The following GIMAP2 variants were observed in gnomAD, a reference collection of about 807,000 sequenced individuals.
The protein encoded by GIMAP2 is GTPase IMAP family member 2.
In GIMAP2, 22 loss-of-function variants were observed where a neutral mutation model predicts 25.5. The ratio of observed to expected loss-of-function variants is 0.86; its 90% confidence interval spans 0.62 to 1.23. GIMAP2 has a LOEUF of 1.23. Among genes scored for constraint, GIMAP2 ranks in the 50% most tolerant of loss-of-function variants. GIMAP2 has a pLI of 0.00. For missense variants in GIMAP2, 422 were observed against 395.7 expected (o/e 1.07, Z -0.56); for synonymous variants, 167 against 143.0 (o/e 1.17, Z -1.20).
At position 150,687,105 on chromosome 7, in the gene GIMAP2, CGTGTGTGTGT is replaced by C. The variant is rs35656746; in HGVS notation, c.28+59_28+68del. On this transcript the variant is annotated intron_variant, in intron 2 of 2. Coordinates refer to ENST00000223293, the MANE Select transcript of GIMAP2 (RefSeq NM_015660.3). ...TCACTGGGGTAAGAAGGTGACTTCA[CGTGTGTGTGT>C]GTGTGTGTGTGTGTGTGTGTGTGTG... is the stretch of plus-strand genomic sequence containing the variant. The C allele has an allele frequency of 0.084, 106,509 of 1,265,298 alleles. 3,613 individuals are homozygous for C. Among genetic ancestry groups the C allele is most frequent in the East Asian group, 0.22 (8,844 of 40,220 alleles). 78.4% of individuals were successfully genotyped at this position (1,265,298 alleles called of 1,614,324 possible).
At chr7:150,689,582 G>A (rs1202688431) in intron 2 of GIMAP2, 4 of 702,030 alleles carry the variant, frequency 5.7e-6, no homozygotes, top group Non-Finnish European at 1.0e-5. Flanking sequence ...TCAGAATATA[G>A]AAATGTGTAA....
rs760583263 is a variant in GIMAP2 at position 150,693,293 on chromosome 7, G to T, written c.1007G>T (p.Arg336Met). ...TVIRLERKTP[R>M]L ...ATTAGACTAGAACGCAAGACTCCTA[G>T]GTTATAGTTACAGATCCCAGTTATT... The change falls in exon 3 of 3, where the codon AGG (arginine) becomes ATG (methionine). Residue 336 changes from arginine (R) to methionine (M), a missense_variant. Physicochemically the swap from Arg to Met is moderately conservative, Grantham distance 91 (BLOSUM62 -1). Coordinates refer to ENST00000223293, the MANE Select transcript of GIMAP2 (RefSeq NM_015660.3). The T allele has an allele frequency of 1.3e-6, 2 of 1,547,740 alleles. No homozygotes were observed. Among genetic ancestry groups the T allele is most frequent in the Non-Finnish European group, 1.7e-6 (2 of 1,152,550 alleles).
Position 150,692,361 on chromosome 7 carries a change from C to T in GIMAP2, c.75C>T (p.Ile25=), listed in dbSNP as rs267601408. The T allele has an allele frequency of 1.2e-6, 2 of 1,614,178 alleles. No individual in the cohort carries two copies. The highest frequency in any genetic ancestry group is 1.7e-6 in the Non-Finnish European group (2 of 1,180,002). ...GQCASRSELR[I]ILVGKTGTGK... ...GTGCCAGCAGATCTGAGCTGAGAATCATCCTGGTGGGCAAAACAGGAACTG... is the reference window on the plus strand; with the variant it reads ...GTGCCAGCAGATCTGAGCTGAGAATTATCCTGGTGGGCAAAACAGGAACTG... The change falls in exon 3 of 3, where the codon ATC becomes ATT. Residue 25 remains isoleucine (I), a synonymous_variant. Transcript: ENST00000223293.
rs1156473684 is a variant in GIMAP2 at position 150,692,991 on chromosome 7, A to G, written c.705A>G (p.Arg235=). The G allele has an allele frequency of 1.9e-6, 3 of 1,613,992 alleles. No individual in the cohort carries two copies. The highest frequency in any genetic ancestry group is 2.5e-6 in the Non-Finnish European group (3 of 1,179,930). The part of the protein sequence containing the change: ...SKCGPVGSDE[R]VKEFKQSLIK... ...GTGGACCTGTGGGATCAGATGAAAG[A>G]GTAAAGGAATTCAAACAGAGCCTTA... Residue 235 remains arginine, a synonymous_variant, in exon 3 of 3, where the codon AGA becomes AGG. Transcript: ENST00000223293.
rs1488774430 is a variant in GIMAP2, at chr7:150,693,566, TTTC to T, written c.*272_*274del. ...CAGTTTTATGTTCCTAAAATCTCATTTTCTTCTTTCTAGTACTACTATTTCTAC... is the reference window on the plus strand; with the variant it reads ...CAGTTTTATGTTCCTAAAATCTCATTTTCTTTCTAGTACTACTATTTCTAC... On this transcript the variant is annotated 3_prime_UTR_variant, in exon 3 of 3. Coordinates refer to ENST00000223293, the MANE Select transcript of GIMAP2 (RefSeq NM_015660.3). 9 of 331,908 alleles carry T rather than the reference TTTC, an allele frequency of 2.7e-5. No homozygotes were observed. Among genetic ancestry groups the T allele is most frequent in the Non-Finnish European group, 4.4e-5 (8 of 182,262 alleles). The allele number at this position is 331,908 out of a possible 1,614,324, so 20.6% of individuals were successfully genotyped here.
chr7:150,690,479 C>A (rs1796955093), intron 2 of GIMAP2, among the ~76,000 whole-genome samples: 1 of 152,200 alleles, frequency 6.6e-6, no homozygotes, highest in Admixed American at 6.5e-5. Context: ...AACCCTAAAT[C>A]ATATCATTGC....
chr7:150,691,779 T>G (rs996603549), intron 2 of GIMAP2, among the ~76,000 whole-genome samples: 1 of 152,198 alleles, frequency 6.6e-6, no homozygotes, highest in Non-Finnish European at 1.5e-5. Flanking sequence ...TGATGAGAAA[T>G]GTCTCTAAAT....
intron 2 of GIMAP2, among the ~76,000 whole-genome samples, chr7:150,687,679 C>T (rs1796919316): frequency 6.6e-6 from 1 of 151,722 alleles, no homozygotes; most frequent in Non-Finnish European, 1.5e-5. Flanking sequence ...TCCTACCATT[C>T]AGTCTTCTCT....
In GIMAP2 at chr7:150,693,134, T is replaced by A; in HGVS notation, c.848T>A (p.Leu283Ter). 6.2e-7 allele frequency: 1 copy of A among 1,613,772 alleles called. No individual in the cohort carries two copies. The highest frequency in any genetic ancestry group is 8.5e-7 in the Non-Finnish European group (1 of 1,179,674). The change falls in exon 3 of 3, where the codon TTG (leucine) becomes TAG (stop). Residue 283 changes from leucine (L) to a stop codon, truncating the protein, a stop_gained. Coordinates refer to ENST00000223293, the MANE Select transcript of GIMAP2 (RefSeq NM_015660.3). LOFTEE classifies it high-confidence loss of function. Reference protein sequence around the residue: ...VLFCIQLFLRLIILWLCILHS... With the variant: ...VLFCIQLFLR ...TTTTGTATTCAGTTGTTTCTCAGAT[T>A]GATAATTCTGTGGCTTTGCATACTG... is the stretch of plus-strand genomic sequence containing the variant.
At chr7:150,690,102 C>T (rs1008955390) in intron 2 of GIMAP2, among the ~76,000 whole-genome samples, 77 of 152,236 alleles carry the variant, frequency 5.1e-4, no homozygotes, top group African/African-American at 1.8e-3. Flanking sequence ...TGCTAGGAAG[C>T]TATGTTTTGA....
chr7:150,691,346 G>A (rs1290937658), intron 2 of GIMAP2, among the ~76,000 whole-genome samples: 1 of 152,126 alleles, frequency 6.6e-6, no homozygotes, highest in African/African-American at 2.4e-5. Context: ...TTTCCCTAAA[G>A]CCTCAAGCTC....
rs1366131297 is a variant in GIMAP2 at position 150,692,594 on chromosome 7, C to T, written c.308C>T (p.Ala103Val). ...GTGCAGAGGTGCTACTTGCTGTCTG[C>T]ACCAGGACCCCATGTGCTGCTCCTG... is the stretch of plus-strand genomic sequence containing the variant. Reference protein sequence around the residue: ...KEVQRCYLLSAPGPHVLLLVT... With the variant: ...KEVQRCYLLSVPGPHVLLLVT... Residue 103 changes from alanine to valine, a missense_variant, in exon 3 of 3, where the codon GCA becomes GTA. Transcript: ENST00000223293. 1 of 1,614,110 alleles carries T rather than the reference C, an allele frequency of 6.2e-7. No individual in the cohort carries two copies. The highest frequency in any genetic ancestry group is 1.7e-5 in the Admixed American group (1 of 60,028).
chr7:150,685,756 A>G lies in GIMAP2; in HGVS notation c.-38A>G, dbSNP rs1796893656. On this transcript the variant is annotated 5_prime_UTR_variant, in exon 1 of 3. Coordinates refer to ENST00000223293, the MANE Select transcript of GIMAP2 (RefSeq NM_015660.3). The stretch of plus-strand genomic sequence containing the variant: ...TATAAGACAACAGGACTGAACAGGG[A>G]GCCAACTGTTTCTTTGAACAGTAAA... The G allele has an allele frequency of 6.6e-5, 65 of 984,444 alleles. No individual in the cohort carries two copies. Among genetic ancestry groups the G allele is most frequent in the Non-Finnish European group, 7.8e-5 (65 of 829,062 alleles). 61.0% of individuals were successfully genotyped at this position (984,444 alleles called of 1,614,324 possible). A position where few individuals can be genotyped will look rare whatever the true frequency, so the allele number is the denominator to read the frequency against.
chr7:150,693,127 C>T lies in GIMAP2; in HGVS notation c.841C>T (p.Leu281Phe), dbSNP rs774376749. ...TGTTTTATTTTGTATTCAGTTGTTT[C>T]TCAGATTGATAATTCTGTGGCTTTG... is the stretch of plus-strand genomic sequence containing the variant. ...LCVLFCIQLF[L>F]RLIILWLCIL... Residue 281 changes from leucine (L) to phenylalanine (F), a missense_variant, in exon 3 of 3, where the codon CTC becomes TTC. Coordinates refer to ENST00000223293, the MANE Select transcript of GIMAP2 (RefSeq NM_015660.3). The T allele has an allele frequency of 3.7e-6, 6 of 1,613,614 alleles. No individual in the cohort carries two copies. Among genetic ancestry groups the T allele is most frequent in the Non-Finnish European group, 4.2e-6 (5 of 1,179,530 alleles).
intron 1 of GIMAP2, among the ~76,000 whole-genome samples, chr7:150,686,724 A>T (rs1452890090): frequency 6.6e-6 from 1 of 151,978 alleles, no homozygotes; most frequent in Non-Finnish European, 1.5e-5. Context: ...CTGGTGGATC[A>T]TTTGAGGTCA....
chr7:150,687,105 CGTGTGTGTGTGTGTGTGTGTGTGT>C lies in GIMAP2; in HGVS notation c.28+45_28+68del, dbSNP rs35656746. 3.3e-3 allele frequency: 4,128 copies of C among 1,265,570 alleles called. 4 individuals carry two copies. The highest frequency in any genetic ancestry group is 0.011 in the African/African-American group (670 of 58,576). The allele number at this position is 1,265,570 out of a possible 1,614,324, so 78.4% of individuals were successfully genotyped here. On this transcript the variant is annotated intron_variant, in intron 2 of 2. Coordinates refer to ENST00000223293, the MANE Select transcript of GIMAP2 (RefSeq NM_015660.3). ...TCACTGGGGTAAGAAGGTGACTTCA[CGTGTGTGTGTGTGTGTGTGTGTGT>C]GTGTGTGTGTGTGTGTGTGTGTGTG...
In GIMAP2 at chr7:150,690,413, C is replaced by T. The variant is rs78857285; in HGVS notation, c.29-1902C>T. Among the ~76,000 whole-genome samples the T allele has an allele frequency of 2.7e-4, 41 of 152,154 alleles. No individual in the cohort carries two copies. The East Asian group carries it at 7.3e-3, about 27-fold the overall frequency. On this transcript the variant is annotated intron_variant, in intron 2 of 2. Coordinates refer to ENST00000223293, the MANE Select transcript of GIMAP2 (RefSeq NM_015660.3). The stretch of plus-strand genomic sequence containing the variant: ...GAGGCCCATGGCAGTCCTGTGAGCC[C>T]GAGAGGTCATTTGAACCAGCTAAGA...
At position 150,692,839 on chromosome 7, in the gene GIMAP2, C is replaced by T. The variant is rs146899946; in HGVS notation, c.553C>T (p.Arg185Cys). ...TGGGCGAATCTGTGCCTTTAATAAC[C>T]GTGCTGAAGGGAGCAATCAGGATGA... ...CGGRICAFNN[R>C]AEGSNQDDQV... The change falls in exon 3 of 3, where the codon CGT becomes TGT. Residue 185 changes from arginine to cysteine, a missense_variant. Coordinates refer to ENST00000223293, the MANE Select transcript of GIMAP2 (RefSeq NM_015660.3). 66 of 1,614,060 alleles carry T rather than the reference C, an allele frequency of 4.1e-5. No homozygotes were observed. Among genetic ancestry groups the T allele is most frequent in the South Asian group, 1.8e-4 (16 of 91,094 alleles).
intron 2 of GIMAP2, among the ~76,000 whole-genome samples, chr7:150,691,696 C>T (rs1796966756): frequency 6.6e-6 from 1 of 152,158 alleles, no homozygotes; most frequent in Admixed American, 6.5e-5. Flanking sequence ...CATGGCCTTG[C>T]CTACGCATCT....
Sources: allele counts gnomAD v4.1 joint callset (sites outside exome capture counted in the v4.1 genomes callset), GRCh38; gene constraint gnomAD v4.1.1; transcripts MANE v1.5; gene names NCBI Gene and HGNC (gene_info 2026-07-23, HGNC 2026-07-21).